Variants in CCDC127 observed in about 807,000 individuals in gnomAD.
CCDC127 encodes coiled-coil domain containing 127.
A neutral mutation model predicts 4.1 loss-of-function variants in CCDC127; 2 were observed. The ratio of observed to expected loss-of-function variants is 0.49; its 90% CI spans 0.20 to 1.53. The LOEUF (loss-of-function observed/expected upper bound fraction) is 1.53. Ranked by LOEUF, CCDC127 falls within the 40% of genes most tolerant of loss-of-function variation. The pLI is 0.23. For missense variants in CCDC127, 271 were observed against 322.9 expected (o/e 0.84, Z 1.23); for synonymous variants, 98 against 120.4 (o/e 0.81, Z 1.22).
intron 2 of CCDC127, among the ~76,000 whole-genome samples, chr5:207,771 G>A (rs992788258): frequency 6.6e-6 from 1 of 152,146 alleles, no homozygotes; most frequent in Non-Finnish European, 1.5e-5. Context: ...AGAGCATCCA[G>A]GAGGTGTGGA....
chr5:214,328 C>A (rs1734337222), intron 2 of CCDC127: 1 of 152,178 alleles, frequency 6.6e-6, no homozygotes, highest in Non-Finnish European at 1.5e-5. Flanking sequence ...GGTACACGGG[C>A]TCTCTGCATT....
At chr5:207,053 G>T (rs896252868) in intron 2 of CCDC127, among the ~76,000 whole-genome samples, 2 of 152,060 alleles carry the variant, frequency 1.3e-5, no homozygotes, top group African/African-American at 4.8e-5. Context: ...CAACCCAGGT[G>T]GTGTCCTTGA....
At chr5:207,559 C>T (rs147258446) in intron 2 of CCDC127, among the ~76,000 whole-genome samples, 20 of 152,268 alleles carry the variant, frequency 1.3e-4, no homozygotes, top group Admixed American at 5.2e-4. Context: ...CGAAATTAAA[C>T]GAGCAAGGCA....
chr5:205,755 G>A lies in CCDC127; in HGVS notation c.325C>T (p.Gln109Ter), dbSNP rs569468879. The A allele has an allele frequency of 2.5e-6, 4 of 1,614,122 alleles. No homozygotes were observed. Among genetic ancestry groups the A allele is most frequent in the East Asian group, 4.5e-5 (2 of 44,876 alleles). ...TASYREALIS[Q>*]GRKLVEEKKL... ...TTTTCTTCTACCAACTTGCGTCCCT[G>A]AGAGATAAGGGCTTCTCGGTAACTA... Residue 109 changes from glutamine (Q) to a stop codon, truncating the protein, a stop_gained, in exon 3 of 3, where the codon CAG (glutamine) becomes TAG (stop). Coordinates refer to ENST00000296824, the MANE Select transcript of CCDC127 (RefSeq NM_145265.3). LOFTEE classifies it low-confidence loss of function (END_TRUNC).
chr5:207,640 A>G (rs549162960), intron 2 of CCDC127, among the ~76,000 whole-genome samples: 43 of 152,188 alleles, frequency 2.8e-4, no homozygotes, highest in Non-Finnish European at 5.1e-4. Flanking sequence ...TGTCAAGGAC[A>G]AGCTGGAGCT....
At position 200,320 on chromosome 5, in the gene CCDC127, C is replaced by G. The variant is rs576959795; in HGVS notation, c.*4977G>C. 2 of 152,426 alleles carry G rather than the reference C, an allele frequency of 1.3e-5. No individual in the cohort carries two copies. The highest frequency in any genetic ancestry group is 2.1e-4 in the South Asian group (1 of 4,830). The allele number at this position is 152,426 out of a possible 1,614,324, so 9.4% of individuals were successfully genotyped here. On this transcript the variant is annotated 3_prime_UTR_variant, in exon 3 of 3. Coordinates refer to ENST00000296824, the MANE Select transcript of CCDC127 (RefSeq NM_145265.3). Reference sequence around the variant, plus strand: ...TTTTCAAGATTTCCCATGAAGCTAGCAAAGGCCACAGGCTCTGCAACCCTG... The same window carrying G: ...TTTTCAAGATTTCCCATGAAGCTAGGAAAGGCCACAGGCTCTGCAACCCTG...
intron 2 of CCDC127, chr5:214,381 ATATT>A (rs922119525): frequency 1.3e-5 from 2 of 152,164 alleles, no homozygotes; most frequent in Non-Finnish European, 2.9e-5. Flanking sequence ...CCAAAATAAA[ATATT>A]TAATTAAAAG....
At chr5:214,278 T>C (rs1734335774) in intron 2 of CCDC127, 1 of 152,202 alleles carries the variant, frequency 6.6e-6, no homozygotes, top group South Asian at 2.1e-4. Context: ...CACTGCACTA[T>C]CGTTTTGCAG....
At chr5:217,156 G>C in intron 1 of CCDC127, 4 of 163,622 alleles carry the variant, frequency 2.4e-5, no homozygotes, top group Non-Finnish European at 3.7e-5. Context: ...AAAGAAAAAG[G>C]AAAAAAAAAA....
At position 217,133 on chromosome 5, in the gene CCDC127, C is replaced by A. The variant is rs75138766; in HGVS notation, c.-10-274G>T. 23,892 of 157,788 alleles carry A rather than the reference C, an allele frequency of 0.15. 1,570 individuals are homozygous for A. Among genetic ancestry groups the A allele is most frequent in the African/African-American group, 0.2 (7,706 of 37,786 alleles). 9.8% of individuals were successfully genotyped at this position (157,788 alleles called of 1,614,324 possible). ...TGACAGAACGAGACTCCGTCCCCCC[C>A]AAAAAAAAAGAAAAAGAAAAAGGAA... On this transcript the variant is annotated intron_variant, in intron 1 of 2. Transcript: ENST00000296824.
intron 2 of CCDC127, among the ~76,000 whole-genome samples, chr5:207,481 C>T (rs369720560): frequency 2.6e-5 from 4 of 152,270 alleles, no homozygotes; most frequent in African/African-American, 9.6e-5. Context: ...AGAACGGCTT[C>T]CTAAAAAGGT....
chr5:212,933 C>T (rs1318678284), intron 2 of CCDC127, among the ~76,000 whole-genome samples: 1 of 1,210 alleles, frequency 8.3e-4, no homozygotes, highest in African/African-American at 0.011. Context: ...GCAGCCACGA[C>T]GAGACAGCAC....
rs1379391295 is a variant in CCDC127 at position 198,789 on chromosome 5, A to G, written c.*6508T>C. ...TGGGTCGCATGGCGTCTGTGGCCACACATCCGGCGTCTGCAGGGCCCAGGA... is the reference window on the plus strand; with the variant it reads ...TGGGTCGCATGGCGTCTGTGGCCACGCATCCGGCGTCTGCAGGGCCCAGGA... On this transcript the variant is annotated 3_prime_UTR_variant, in exon 3 of 3. Transcript: ENST00000296824. 2 of 152,242 alleles carry G rather than the reference A, an allele frequency of 1.3e-5. No homozygotes were observed. Among genetic ancestry groups the G allele is most frequent in the African/African-American group, 4.8e-5 (2 of 41,456 alleles). The allele number at this position is 152,242 out of a possible 1,614,324, so 9.4% of individuals were successfully genotyped here. A position where few individuals can be genotyped will look rare whatever the true frequency, so the allele number is the denominator to read the frequency against.
chr5:208,287 C>G (rs1206667532), intron 2 of CCDC127, among the ~76,000 whole-genome samples: 1 of 152,162 alleles, frequency 6.6e-6, no homozygotes, highest in Non-Finnish European at 1.5e-5. Flanking sequence ...AACACGGGGG[C>G]AAGTCCTCTA....
chr5:205,580 G>A lies in CCDC127; in HGVS notation c.500C>T (p.Thr167Ile), dbSNP rs747514739. ...LLLKEFEAVL[T>I]ERQNIYCSLF... is the part of the protein sequence containing the mutation. ...ACTGCAGTAGATATTCTGTCTTTCT[G>A]TGAGAACAGCTTCAAATTCTTTCAG... Residue 167 changes from threonine (T) to isoleucine (I), a missense_variant, in exon 3 of 3, where the codon ACA (threonine) becomes ATA (isoleucine). Thr to Ile is a moderately conservative substitution (Grantham distance 89). This residue lies in a region of CCDC127 where 265 missense variants were observed against 270.9 expected (regional missense o/e 0.98). Transcript: ENST00000296824. The A allele has an allele frequency of 6.8e-6, 11 of 1,614,106 alleles. No homozygotes were observed. The East Asian group carries it at 1.8e-4, about 26-fold the overall frequency.
rs1734070857 is a variant in CCDC127, at chr5:201,262, T to TG, written c.*4034dup. Reference sequence around the variant, plus strand: ...ATGTCACAGGTGTAGTCTTCAGACTTGCTTTTATGTAGCAAACCTAATATG... The same window carrying TG: ...ATGTCACAGGTGTAGTCTTCAGACTTGGCTTTTATGTAGCAAACCTAATATG... On this transcript the variant is annotated 3_prime_UTR_variant, in exon 3 of 3. Coordinates refer to ENST00000296824, the MANE Select transcript of CCDC127 (RefSeq NM_145265.3). The TG allele has an allele frequency of 6.6e-6, 1 of 152,274 alleles. No homozygotes were observed. 9.4% of individuals were successfully genotyped at this position (152,274 alleles called of 1,614,324 possible).
intron 1 of CCDC127, 50 bp downstream of exon 1, chr5:218,043 C>A: frequency 9.4e-7 from 1 of 1,061,518 alleles, no homozygotes; most frequent in South Asian, 4.5e-5. Context: ...ACCCACGGGG[C>A]TTTAAAAATG....
chr5:205,458 C>T lies in CCDC127; in HGVS notation c.622G>A (p.Gly208Ser), dbSNP rs150593656. The change falls in exon 3 of 3, where the codon GGT (glycine) becomes AGT (serine). Residue 208 changes from glycine (G) to serine (S), a missense_variant. Transcript: ENST00000296824. The part of the protein sequence containing the change: ...PVAADLEMAA[G>S]LTDIFQHDTY... ...TCATGCTGAAATATGTCGGTGAGACCGGCTGCCATCTCTAGGTCAGCGGCG... is the reference window on the plus strand; with the variant it reads ...TCATGCTGAAATATGTCGGTGAGACTGGCTGCCATCTCTAGGTCAGCGGCG... The T allele has an allele frequency of 1.6e-5, 26 of 1,614,134 alleles. No homozygotes were observed. In the African/African-American group the frequency reaches 2.9e-4, roughly 18 times the overall value.
Position 197,031 on chromosome 5 carries a change from A to C in CCDC127, c.*8266T>G, listed in dbSNP as rs561038473. The C allele has an allele frequency of 6.8e-5, 10 of 146,150 alleles. No individual in the cohort carries two copies. Among genetic ancestry groups the C allele is most frequent in the African/African-American group, 1.6e-4 (6 of 36,652 alleles). The allele number at this position is 146,150 out of a possible 1,614,324, so 9.1% of individuals were successfully genotyped here. On this transcript the variant is annotated 3_prime_UTR_variant, in exon 3 of 3. Transcript: ENST00000296824. ...GTGATAATAAGGAGGAGGTCAGCAA[A>C]AACGTGTGAGCAAAAGAATCTATGT... is the stretch of plus-strand genomic sequence containing the variant.
Sources: allele counts gnomAD v4.1 joint callset (sites outside exome capture counted in the v4.1 genomes callset), GRCh38; gene constraint gnomAD v4.1.1; regional missense constraint gnomAD v4.1.1; transcripts MANE v1.5; gene names NCBI Gene and HGNC (gene_info 2026-07-23, HGNC 2026-07-21).